NUP93: variants seen among roughly 807,000 people sequenced by gnomAD.
NUP93 encodes nuclear pore complex protein Nup93.
In NUP93, 55 loss-of-function variants were observed where a neutral mutation model predicts 107.8. That is an observed-to-expected ratio of 0.51 (90% CI 0.41 to 0.64). The LOEUF is 0.64. Ranked by LOEUF, NUP93 falls within the 30% of genes least tolerant of loss-of-function variation. The pLI, the probability that NUP93 is intolerant of heterozygous loss-of-function variation, is 0.00. For synonymous variants in NUP93, 390 were observed against 397.5 expected (o/e 0.98, Z 0.22); for missense variants, 937 against 1,044.7 (o/e 0.90, Z 1.42).
At chr16:56,740,431 G>A (rs1386610932) in intron 1 of NUP93, among the ~76,000 whole-genome samples, 1 of 129,814 alleles carries the variant, frequency 7.7e-6, no homozygotes, top group East Asian at 2.1e-4. Flanking sequence ...GAGGATGGGC[G>A]GCCAGGCAGA....
chr16:56,777,323 CTT>C (rs755124740), intron 3 of NUP93, among the ~76,000 whole-genome samples: 7 of 152,298 alleles, frequency 4.6e-5, no homozygotes, highest in Non-Finnish European at 1.0e-4. Context: ...TGCTCTCACT[CTT>C]TTGGTTTATA....
rs141111668 is a variant in NUP93, at chr16:56,837,357, G to A, written c.1900-251G>A. ...GCAGGCGCATCACTTGAGGCCAGGA[G>A]TTCGAGACTAGCCTGGCCAACATGG... On this transcript the variant is annotated intron_variant, in intron 17 of 21. Transcript: ENST00000308159. Among the ~76,000 whole-genome samples the A allele has an allele frequency of 4.3e-3, 654 of 152,318 alleles. 6 individuals carry two copies. The highest frequency in any genetic ancestry group is 0.015 in the African/African-American group (605 of 41,564).
intron 1 of NUP93, among the ~76,000 whole-genome samples, chr16:56,743,301 T>C (rs1189265804): frequency 4.6e-5 from 7 of 152,246 alleles, no homozygotes; most frequent in African/African-American, 9.6e-5. Context: ...AATGTTGATA[T>C]GCCCTAAAGG....
intron 3 of NUP93, among the ~76,000 whole-genome samples, chr16:56,791,144 T>G (rs912045293): frequency 1.5e-4 from 23 of 152,250 alleles, no homozygotes; most frequent in Non-Finnish European, 3.4e-4. Context: ...CTGCTGTAGA[T>G]GCCTCACTTT....
chr16:56,749,833 G>A (rs1961886704), intron 2 of NUP93, among the ~76,000 whole-genome samples: 1 of 152,042 alleles, frequency 6.6e-6, no homozygotes, highest in South Asian at 2.1e-4. Flanking sequence ...AACCCTGGCA[G>A]GGATTTTTTA....
chr16:56,751,227 A>G (rs559910843), intron 2 of NUP93, among the ~76,000 whole-genome samples: 2 of 152,230 alleles, frequency 1.3e-5, no homozygotes, highest in Admixed American at 1.3e-4. Context: ...TTGTCATCCA[A>G]CGTAACCAAT....
Position 56,837,462 on chromosome 16 carries a change from C to CT in NUP93, c.1900-145dup, listed in dbSNP as rs1186830422. The CT allele has an allele frequency of 4.9e-6, 3 of 610,974 alleles. No homozygotes were observed. The East Asian group carries it at 8.7e-5, about 18-fold the overall frequency. The allele number at this position is 610,974 out of a possible 1,614,324, so 37.8% of individuals were successfully genotyped here. On this transcript the variant is annotated intron_variant, in intron 17 of 21. Transcript: ENST00000308159. ...CCTGTAATCCCAGCTGCTCAGGAGG[C>CT]TGAGGCACGAGAATTGCTTGAACTT...
Position 56,829,066 on chromosome 16 carries a change from G to C in NUP93, c.884G>C (p.Ser295Thr). The part of the protein sequence containing the change: ...GVPGTYQLVR[S>T]FLNIKLPAPL... ...CCTGGGACTTACCAATTGGTTCGAA[G>C]TTTCCTGAACATTAAACTGCCAGCT... The change falls in exon 9 of 22, where the codon AGT becomes ACT. Residue 295 changes from serine (S) to threonine (T), a missense_variant. Physicochemically the swap from Ser to Thr is moderately conservative, Grantham distance 58. Coordinates refer to ENST00000308159, the MANE Select transcript of NUP93 (RefSeq NM_014669.5). 1 of 1,613,326 alleles carries C rather than the reference G, an allele frequency of 6.2e-7. No homozygotes were observed. The highest frequency in any genetic ancestry group is 8.5e-7 in the Non-Finnish European group (1 of 1,179,764).
chr16:56,757,477 AGACCCGACCCGACCT>A (rs1177275174), intron 2 of NUP93, among the ~76,000 whole-genome samples: 2 of 152,162 alleles, frequency 1.3e-5, no homozygotes, highest in East Asian at 3.9e-4. Context: ...AGACCAGACT[AGACCCGACCCGACCT>A]GACCCGACCC....
chr16:56,841,984 G>A, intron 21 of NUP93, 151 bp downstream of exon 21: 2 of 891,970 alleles, frequency 2.2e-6, no homozygotes, highest in Non-Finnish European at 3.2e-6. Flanking sequence ...GGCTCCCAGA[G>A]GAAATCAAAT....
chr16:56,823,748 C>T lies in NUP93; in HGVS notation c.696C>T (p.Asp232=), dbSNP rs60510831. 419 of 1,614,144 alleles carry T rather than the reference C, an allele frequency of 2.6e-4. 1 individual carries two copies. The African/African-American group carries it at 4.7e-3, about 18-fold the overall frequency. ...GGACCATGGTAAAACAAATGACAGA[C>T]GTGTTGTTGACACCGGCAACGGATG... The part of the protein sequence containing the change: ...DMWTMVKQMT[D]VLLTPATDAL... The change falls in exon 8 of 22, where the codon GAC becomes GAT. Residue 232 remains aspartate (D), a synonymous_variant. Transcript: ENST00000308159.
At chr16:56,773,720 A>C (rs1364302561) in intron 3 of NUP93, among the ~76,000 whole-genome samples, 1 of 152,182 alleles carries the variant, frequency 6.6e-6, no homozygotes, top group Non-Finnish European at 1.5e-5. Context: ...CTTGAGATGT[A>C]CTGAATTAAG....
At chr16:56,777,847 G>C (rs908261025) in intron 3 of NUP93, among the ~76,000 whole-genome samples, 2 of 152,182 alleles carry the variant, frequency 1.3e-5, no homozygotes, top group Non-Finnish European at 2.9e-5. Flanking sequence ...GAGCTGAAAA[G>C]ATTTGAAAGA....
intron 11 of NUP93, 59 bp downstream of exon 11, chr16:56,832,066 C>T (rs547040219): frequency 3.6e-5 from 57 of 1,591,882 alleles, no homozygotes; most frequent in Middle Eastern, 3.5e-4. Context: ...CTCAAGTCCC[C>T]GCAAAGATTT....
At chr16:56,829,756 C>T (rs1225706156) in intron 9 of NUP93, among the ~76,000 whole-genome samples, 1 of 152,074 alleles carries the variant, frequency 6.6e-6, no homozygotes, top group Non-Finnish European at 1.5e-5. Context: ...AAGCTTGGGG[C>T]CCACTAGTGA....
intron 4 of NUP93, among the ~76,000 whole-genome samples, chr16:56,803,517 A>G (rs1461349079): frequency 6.6e-6 from 1 of 152,128 alleles, no homozygotes; most frequent in Non-Finnish European, 1.5e-5. Context: ...GATGTTTATT[A>G]TATCGTAAGA....
At chr16:56,806,727 T>G (rs1433316720) in intron 5 of NUP93, among the ~76,000 whole-genome samples, 2 of 152,190 alleles carry the variant, frequency 1.3e-5, no homozygotes, top group African/African-American at 4.8e-5. Flanking sequence ...AAGGGAGAGC[T>G]AAATAGCCCC....
chr16:56,732,849 A>T (rs1202597131), intron 1 of NUP93, among the ~76,000 whole-genome samples: 2 of 152,252 alleles, frequency 1.3e-5, no homozygotes, highest in East Asian at 3.8e-4. Flanking sequence ...TGCCAGACTT[A>T]ATGCTGAGGA....
chr16:56,762,519 T>C (rs1361449144), intron 3 of NUP93, among the ~76,000 whole-genome samples: 2 of 152,210 alleles, frequency 1.3e-5, no homozygotes, highest in Non-Finnish European at 2.9e-5. Flanking sequence ...CATTACACAT[T>C]GTATGCTTGT....
Sources: gnomAD v4.1 joint callset for allele counts (sites outside exome capture counted in the v4.1 genomes callset) on GRCh38, gnomAD v4.1.1 for gene constraint, MANE v1.5 for transcripts, NCBI Gene and HGNC (gene_info 2026-07-23, HGNC 2026-07-21) for gene names.